The following TMEM267 variants were observed in gnomAD, a reference collection of about 807,000 sequenced individuals.
TMEM267 encodes the protein transmembrane protein C5orf28.
Under a neutral mutation model 19.3 loss-of-function variants are expected in TMEM267, and 20 were observed. That is an observed-to-expected ratio of 1.04 (90% confidence interval 0.73 to 1.51). The LOEUF (loss-of-function observed/expected upper bound fraction) is 1.51, where lower values mean the gene tolerates loss of function less well. TMEM267 is among the 40% of genes most tolerant of loss of function. The pLI, the probability that TMEM267 is intolerant of heterozygous loss-of-function variation, is 0.00. For missense variants in TMEM267, 242 were observed against 261.9 expected (o/e 0.92, Z 0.52); for synonymous variants, 88 against 90.3 (o/e 0.97, Z 0.15).
intron 1 of TMEM267, among the ~76,000 whole-genome samples, chr5:43,471,114 A>C (rs1011947586): frequency 5.3e-5 from 8 of 152,146 alleles, no homozygotes; most frequent in African/African-American, 1.9e-4. Flanking sequence ...TACAAAAGCA[A>C]CATACAAAAG....
chr5:43,452,632 C>T (rs903531744), intron 2 of TMEM267, among the ~76,000 whole-genome samples: 1 of 150,428 alleles, frequency 6.6e-6, no homozygotes, highest in Non-Finnish European at 1.5e-5. Context: ...TCTACTAACA[C>T]CAAACAACCA....
intron 2 of TMEM267, 137 bp from the exon 3 acceptor site, chr5:43,446,694 T>C (rs1401823831): frequency 8.2e-6 from 4 of 489,980 alleles, no homozygotes; most frequent in African/African-American, 5.9e-5. Context: ...CACTTCAGGA[T>C]ACATATACCA....
intron 1 of TMEM267, among the ~76,000 whole-genome samples, chr5:43,463,427 T>C (rs1341023576): frequency 6.6e-6 from 1 of 152,164 alleles, no homozygotes; most frequent in Non-Finnish European, 1.5e-5. Context: ...GAATCCTCCC[T>C]AACTCATTTT....
intron 1 of TMEM267, among the ~76,000 whole-genome samples, chr5:43,472,015 G>A (rs148009311): frequency 5.9e-5 from 9 of 151,916 alleles, no homozygotes; most frequent in East Asian, 5.8e-4. Flanking sequence ...CACAGAGAAC[G>A]GGAAAAAATA....
intron 1 of TMEM267, among the ~76,000 whole-genome samples, chr5:43,463,330 A>T (rs1012022124): frequency 6.6e-6 from 1 of 152,204 alleles, no homozygotes; most frequent in Non-Finnish European, 1.5e-5. Context: ...CCAGGACCAG[A>T]TGTATTCACA....
At chr5:43,481,444 G>C (rs970950575) in intron 1 of TMEM267, among the ~76,000 whole-genome samples, 2 of 151,958 alleles carry the variant, frequency 1.3e-5, no homozygotes, top group African/African-American at 4.8e-5. Flanking sequence ...ATTTTAAAAG[G>C]ATTAGTTTGC....
At chr5:43,478,092 C>T (rs1744535101) in intron 1 of TMEM267, among the ~76,000 whole-genome samples, 1 of 152,102 alleles carries the variant, frequency 6.6e-6, no homozygotes, top group African/African-American at 2.4e-5. Flanking sequence ...GGAAGAGGAA[C>T]CTCCCAAATA....
At chr5:43,451,835 G>A (rs1417589900) in intron 2 of TMEM267, among the ~76,000 whole-genome samples, 5 of 152,072 alleles carry the variant, frequency 3.3e-5, no homozygotes, top group African/African-American at 1.2e-4. Flanking sequence ...AGCACTTTGG[G>A]AGGTTGAGGC....
chr5:43,470,881 A>G (rs914458632), intron 1 of TMEM267, among the ~76,000 whole-genome samples: 1 of 152,248 alleles, frequency 6.6e-6, no homozygotes, highest in Admixed American at 6.5e-5. Flanking sequence ...CTATTAAACT[A>G]GAAAAGCATG....
rs370551575 is a variant in TMEM267 at position 43,462,488 on chromosome 5, C to A, written c.-74-8445G>T. 2.0e-5 allele frequency among the ~76,000 whole-genome samples: 3 copies of A among 152,148 alleles called. 1 individual carries two copies. Among genetic ancestry groups the A allele is most frequent in the African/African-American group, 7.2e-5 (3 of 41,494 alleles). On this transcript the variant is annotated intron_variant, in intron 1 of 2. Transcript: ENST00000397080. Reference sequence around the variant, plus strand: ...AAAAGAAGATATGTGACTTTTCAGACAGAGAATTTAAAATAGCTGTGTTGA... The same window carrying A: ...AAAAGAAGATATGTGACTTTTCAGAAAGAGAATTTAAAATAGCTGTGTTGA...
At chr5:43,474,885 T>G (rs1744320676) in intron 1 of TMEM267, among the ~76,000 whole-genome samples, 2 of 152,040 alleles carry the variant, frequency 1.3e-5, no homozygotes, top group Admixed American at 1.3e-4. Context: ...CAACAGATGC[T>G]GGAGAGGATG....
intron 1 of TMEM267, among the ~76,000 whole-genome samples, chr5:43,481,802 G>C (rs974432253): frequency 1.3e-5 from 2 of 152,006 alleles, no homozygotes; most frequent in Non-Finnish European, 2.9e-5. Flanking sequence ...GCTAAGTCTT[G>C]ACCCCACAGA....
intron 1 of TMEM267, among the ~76,000 whole-genome samples, chr5:43,480,662 G>A (rs115729490): frequency 0.022 from 3,366 of 151,346 alleles, 82 homozygotes; most frequent in Non-Finnish European, 0.035. Flanking sequence ...CCAGAAGGAA[G>A]ACAAAAATAA....
At chr5:43,467,904 T>TGG (rs575640001) in intron 1 of TMEM267, among the ~76,000 whole-genome samples, 2 of 151,546 alleles carry the variant, frequency 1.3e-5, no homozygotes, top group African/African-American at 4.9e-5. Flanking sequence ...AGCCCTCAGT[T>TGG]GGGGGGGGCC....
chr5:43,476,888 A>C (rs1470267435), intron 1 of TMEM267, among the ~76,000 whole-genome samples: 1 of 151,856 alleles, frequency 6.6e-6, no homozygotes, highest in African/African-American at 2.4e-5. Context: ...AAGTAAAAAA[A>C]AAAAAATATT....
chr5:43,472,174 ACAGGCATATGTAAAGGT>A (rs1427182879), intron 1 of TMEM267, among the ~76,000 whole-genome samples: 1 of 152,384 alleles, frequency 6.6e-6, no homozygotes, highest in Non-Finnish European at 1.5e-5. Flanking sequence ...GAAATGGCAA[ACAGGCATATGTAAAGGT>A]GCTCAGTATT....
At chr5:43,480,896 G>A (rs1254917381) in intron 1 of TMEM267, among the ~76,000 whole-genome samples, 1 of 135,530 alleles carries the variant, frequency 7.4e-6, no homozygotes, top group Non-Finnish European at 1.5e-5. Context: ...TCTGCCTCCC[G>A]GGTTCATGCC....
At chr5:43,450,215 A>G (rs1400574095) in intron 2 of TMEM267, among the ~76,000 whole-genome samples, 1 of 152,084 alleles carries the variant, frequency 6.6e-6, no homozygotes, top group African/African-American at 2.4e-5. Flanking sequence ...GCTGGTCTTC[A>G]GCTCCTGGCC....
At position 43,446,154 on chromosome 5, in the gene TMEM267, A is replaced by T. The variant is rs903637800; in HGVS notation, c.*68T>A. ...CACCTAACTGTATTTTTAAAAATTA[A>T]CTTTAATGTTGGCTACTCTTAATTA... On this transcript the variant is annotated 3_prime_UTR_variant, in exon 3 of 3. Coordinates refer to ENST00000397080, the MANE Select transcript of TMEM267 (RefSeq NM_022483.5). 7.5e-6 allele frequency: 7 copies of T among 938,980 alleles called. No homozygotes were observed. Among genetic ancestry groups the T allele is most frequent in the Non-Finnish European group, 1.1e-5 (7 of 618,786 alleles). The allele number at this position is 938,980 out of a possible 1,614,324, so 58.2% of individuals were successfully genotyped here. A position where few individuals can be genotyped will look rare whatever the true frequency, so the allele number is the denominator to read the frequency against.
Sources: gnomAD v4.1 joint callset for allele counts (sites outside exome capture counted in the v4.1 genomes callset) on GRCh38, gnomAD v4.1.1 for gene constraint, MANE v1.5 for transcripts, NCBI Gene and HGNC (gene_info 2026-07-23, HGNC 2026-07-21) for gene names.